The following WAC variants were observed in gnomAD, a reference collection of about 807,000 sequenced individuals.
The protein encoded by WAC is WW domain containing adaptor with coiled-coil, also known as WW domain-containing adapter protein with coiled-coil.
WAC carries 11 observed loss-of-function variants against 79.6 expected under a neutral mutation model. The ratio of observed to expected loss-of-function variants is 0.14; its 90% CI spans 0.09 to 0.23. WAC has a LOEUF of 0.23. Among genes scored for constraint, WAC ranks in the 10% least tolerant of loss-of-function variants. WAC has a pLI of 1.00. For missense variants in WAC, 728 were observed against 773.5 expected, an observed-to-expected ratio of 0.94 and a Z score of 0.70; for synonymous variants, 304 against 276.9, an observed-to-expected ratio of 1.10 and a Z score of -0.97.
upstream of WAC, chr10:28,532,808 C>G (rs1321709331): frequency 6.5e-6 from 1 of 152,916 alleles, no homozygotes; most frequent in Non-Finnish European, 1.5e-5. Context: ...CGCGCCCCAC[C>G]GTCCTCTTCC....
In WAC at chr10:28,606,252, G is replaced by A. The variant is rs569100722; in HGVS notation, c.920-1934G>A. Among the ~76,000 whole-genome samples the A allele has an allele frequency of 2.0e-5, 3 of 152,256 alleles. No individual in the cohort carries two copies. In the East Asian group the frequency reaches 5.8e-4, roughly 29 times the overall value. On this transcript the variant is annotated intron_variant, in intron 7 of 13. Coordinates refer to ENST00000354911, the MANE Select transcript of WAC (RefSeq NM_016628.5). ...TTTTTAGTAGAGACGGGGTTTTGCC[G>A]TGTTGCCCAGGCCGGTCTTGGAAAT...
chr10:28,603,892 C>A (rs574887470), intron 7 of WAC, among the ~76,000 whole-genome samples: 32 of 140,886 alleles, frequency 2.3e-4, no homozygotes, highest in Non-Finnish European at 4.2e-4. Flanking sequence ...TGAGATTGCA[C>A]CACTGCACTC....
In WAC at chr10:28,622,428, C is replaced by G. The variant is rs1841726817; in HGVS notation, c.*2822C>G. On this transcript the variant is annotated 3_prime_UTR_variant, in exon 14 of 14. Transcript: ENST00000354911. ...TGAGTGGCCTTTCCCTCCCCCTGCC[C>G]CCCCCCCCCCCCCCCCGTTTTAAAA... The G allele has an allele frequency of 1.9e-4, 2 of 10,786 alleles. No individual in the cohort carries two copies. The highest frequency in any genetic ancestry group is 5.0e-4 in the Non-Finnish European group (1 of 2,000). The allele number at this position is 10,786 out of a possible 1,614,324, so 0.7% of individuals were successfully genotyped here. A position where few individuals can be genotyped will look rare whatever the true frequency, so the allele number is the denominator to read the frequency against.
At position 28,621,103 on chromosome 10, in the gene WAC, TTTC is replaced by T. The variant is rs1316385558; in HGVS notation, c.*1501_*1503del. 1 of 151,900 alleles carries T rather than the reference TTTC, an allele frequency of 6.6e-6. No individual in the cohort carries two copies. The highest frequency in any genetic ancestry group is 6.5e-5 in the Admixed American group (1 of 15,278). 9.4% of individuals were successfully genotyped at this position (151,900 alleles called of 1,614,324 possible). A position where few individuals can be genotyped will look rare whatever the true frequency, so the allele number is the denominator to read the frequency against. On this transcript the variant is annotated 3_prime_UTR_variant, in exon 14 of 14. Transcript: ENST00000354911. Reference sequence around the variant, plus strand: ...AAGGGTTTCCGCATGAAAAAAATCTTTTCTTCCCCCACAAAAAAACCTTTACCA... The same window carrying T: ...AAGGGTTTCCGCATGAAAAAAATCTTTTCCCCCACAAAAAAACCTTTACCA...
chr10:28,591,963 C>T (rs1342740413), intron 6 of WAC: 2 of 151,972 alleles, frequency 1.3e-5, no homozygotes, highest in South Asian at 2.1e-4. Flanking sequence ...CAATCCTGCT[C>T]CTATAACTCA....
chr10:28,582,867 T>C (rs1465401414), intron 3 of WAC, among the ~76,000 whole-genome samples: 5 of 152,312 alleles, frequency 3.3e-5, no homozygotes, highest in East Asian at 1.9e-4. Flanking sequence ...TATCATCTTA[T>C]AAGTGAGCAC....
At chr10:28,578,015 G>A (rs534433762) in intron 3 of WAC, among the ~76,000 whole-genome samples, 18 of 152,214 alleles carry the variant, frequency 1.2e-4, no homozygotes, top group Admixed American at 9.8e-4. Context: ...AAAAATTAGT[G>A]GGACATGGTA....
chr10:28,609,753 A>T (rs1456538160), intron 8 of WAC, among the ~76,000 whole-genome samples: 2 of 152,132 alleles, frequency 1.3e-5, no homozygotes, highest in African/African-American at 4.8e-5. Context: ...GAACGCCTGT[A>T]GTTCCAGCTA....
intron 3 of WAC, 163 bp downstream of exon 3, chr10:28,535,920 A>C (rs906998858): frequency 5.0e-5 from 32 of 639,774 alleles, no homozygotes; most frequent in Non-Finnish European, 7.4e-5. Flanking sequence ...TTACTGTAGA[A>C]ACAAGATGCT....
chr10:28,557,870 T>G (rs546102943), intron 3 of WAC, among the ~76,000 whole-genome samples: 2 of 152,014 alleles, frequency 1.3e-5, no homozygotes, highest in South Asian at 2.1e-4. Context: ...GTCAGGAGAT[T>G]GAGACTGTCC....
intron 3 of WAC, among the ~76,000 whole-genome samples, chr10:28,570,014 A>G (rs557100766): frequency 1.6e-4 from 24 of 152,346 alleles, no homozygotes; most frequent in Admixed American, 5.2e-4. Flanking sequence ...TAAGCACCCA[A>G]AACAGATGGA....
At chr10:28,561,203 C>G (rs1274855996) in intron 3 of WAC, among the ~76,000 whole-genome samples, 1 of 152,160 alleles carries the variant, frequency 6.6e-6, no homozygotes, top group Admixed American at 6.5e-5. Context: ...TATGTTCTAT[C>G]TTTTAACATG....
At chr10:28,558,623 A>G (rs1020387587) in intron 3 of WAC, among the ~76,000 whole-genome samples, 3 of 152,186 alleles carry the variant, frequency 2.0e-5, no homozygotes, top group African/African-American at 7.2e-5. Flanking sequence ...AAAATTTTCT[A>G]TTTTTTATGT....
intron 3 of WAC, among the ~76,000 whole-genome samples, chr10:28,566,246 G>C (rs1199334471): frequency 6.6e-6 from 1 of 152,132 alleles, no homozygotes. Context: ...TTTGTTAAGT[G>C]AGTATTGTGT....
rs71391054 is a variant in WAC at position 28,603,961 on chromosome 10, G to GTA, written c.920-4199_920-4198dup. The stretch of plus-strand genomic sequence containing the variant: ...AAAAAAAATATATATATGTATGTAT[G>GTA]TATATATATATATATATATATATAT... On this transcript the variant is annotated intron_variant, in intron 7 of 13. Coordinates refer to ENST00000354911, the MANE Select transcript of WAC (RefSeq NM_016628.5). Among the ~76,000 whole-genome samples, 194 of 20,868 alleles carry GTA rather than the reference G, an allele frequency of 9.3e-3. 5 individuals carry two copies. Among genetic ancestry groups the GTA allele is most frequent in the African/African-American group, 0.029 (67 of 2,348 alleles). The allele number at this position is 20,868 out of a possible 152,430, so 13.7% of individuals were successfully genotyped here. A position where few individuals can be genotyped will look rare whatever the true frequency, so the allele number is the denominator to read the frequency against.
intron 3 of WAC, chr10:28,537,777 A>G (rs1427759356): frequency 6.6e-6 from 1 of 151,740 alleles, no homozygotes; most frequent in Non-Finnish European, 1.5e-5. Context: ...TTTTTTCTTC[A>G]CTTTGATTTT....
At chr10:28,593,496 G>A (rs944474230) in intron 6 of WAC, among the ~76,000 whole-genome samples, 1 of 152,008 alleles carries the variant, frequency 6.6e-6, no homozygotes, top group African/African-American at 2.4e-5. Context: ...GGCCAGGCAC[G>A]GTGGCTCATG....
rs373930105 is a variant in WAC, at chr10:28,563,646, C to G, written c.275-19753C>G. On this transcript the variant is annotated intron_variant, in intron 3 of 13. Transcript: ENST00000354911. The stretch of plus-strand genomic sequence containing the variant: ...CCAGGCTGGAGTGCAGTGGCGCGAT[C>G]TCCGCTCACTGCAGCCTCCGCCTCC... Among the ~76,000 whole-genome samples the G allele has an allele frequency of 9.3e-5, 14 of 151,174 alleles. No individual in the cohort carries two copies. The East Asian group carries it at 9.9e-4, about 11-fold the overall frequency.
intron 7 of WAC, among the ~76,000 whole-genome samples, chr10:28,604,489 T>C (rs896640660): frequency 6.6e-6 from 1 of 152,124 alleles, no homozygotes; most frequent in Non-Finnish European, 1.5e-5. Flanking sequence ...CCCAGCACTT[T>C]GGGAAGCCGA....
Sources: gnomAD v4.1 joint callset for allele counts (sites outside exome capture counted in the v4.1 genomes callset) on GRCh38, gnomAD v4.1.1 for gene constraint, MANE v1.5 for transcripts, NCBI Gene and HGNC (gene_info 2026-07-23, HGNC 2026-07-21) for gene names.